The following BORCS5 variants were observed in gnomAD, a reference collection of about 807,000 sequenced individuals.
The protein encoded by BORCS5 is BLOC-1 related complex subunit 5, also known as BLOC-1-related complex subunit 5.
A neutral mutation model predicts 22.1 loss-of-function variants in BORCS5; 17 were observed. That is an observed-to-expected ratio of 0.77 (90% CI 0.53 to 1.15). The LOEUF (loss-of-function observed/expected upper bound fraction) is 1.15, where lower values mean the gene tolerates loss of function less well. Ranked by LOEUF, BORCS5 falls within the 50% of genes most tolerant of loss-of-function variation. BORCS5 has a pLI of 0.00. For synonymous variants in BORCS5, 117 were observed against 99.8 expected (o/e 1.17, Z -1.03); for missense variants, 247 against 253.2 (o/e 0.98, Z 0.17).
rs776625401 is a variant in BORCS5, at chr12:12,465,699, A to G, written c.514A>G (p.Arg172Gly). 7 of 1,614,268 alleles carry G rather than the reference A, an allele frequency of 4.3e-6. No homozygotes were observed. Among genetic ancestry groups the G allele is most frequent in the Non-Finnish European group, 5.9e-6 (7 of 1,180,052 alleles). Residue 172 changes from arginine to glycine, a missense_variant, in exon 4 of 4, where the codon AGG becomes GGG. By Grantham distance (125) the Arg-to-Gly change is moderately radical (BLOSUM62 -2). Coordinates refer to ENST00000314565, the MANE Select transcript of BORCS5 (RefSeq NM_058169.6). ...GIDQTVPLLD[R>G]LNSMLPEGER... ...CGACCAGACTGTGCCCCTGCTGGACAGGCTCAACAGCATGCTGCCCGAGGG... is the reference window on the plus strand; with the variant it reads ...CGACCAGACTGTGCCCCTGCTGGACGGGCTCAACAGCATGCTGCCCGAGGG...
rs145463583 is a variant in BORCS5 at position 12,401,829 on chromosome 12, C to T, written c.203-33799C>T. Among the ~76,000 whole-genome samples, 1,006 of 151,940 alleles carry T rather than the reference C, an allele frequency of 6.6e-3. 16 individuals are homozygous for T. Among genetic ancestry groups the T allele is most frequent in the African/African-American group, 0.024 (985 of 41,460 alleles). ...ATCCCAGCACTTTGGGAGGCCAAGG[C>T]GGGCGGATCACGAGGTCAGAAGATC... On this transcript the variant is annotated intron_variant, in intron 2 of 3. Coordinates refer to ENST00000314565, the MANE Select transcript of BORCS5 (RefSeq NM_058169.6).
At chr12:12,370,401 T>C (rs988299128) in intron 2 of BORCS5, among the ~76,000 whole-genome samples, 2 of 152,198 alleles carry the variant, frequency 1.3e-5, no homozygotes, top group African/African-American at 4.8e-5. Context: ...GTGTAATTAC[T>C]AAGTTTTTGA....
chr12:12,435,775 G>A lies in BORCS5; in HGVS notation c.350G>A (p.Arg117Gln), dbSNP rs748574042. ...TTTGACCAGAATGCTTTGGTTAAAC[G>A]AATCAAAGAGGTAATGTGCTGCGGG... ...VAFDQNALVK[R>Q]IKEMDLSVET... is the part of the protein sequence containing the mutation. Residue 117 changes from arginine (R) to glutamine (Q), a missense_variant, in exon 3 of 4, where the codon CGA (arginine) becomes CAA (glutamine). By Grantham distance (43) the Arg-to-Gln change is conservative (BLOSUM62 1). Coordinates refer to ENST00000314565, the MANE Select transcript of BORCS5 (RefSeq NM_058169.6). 8 of 1,611,508 alleles carry A rather than the reference G, an allele frequency of 5.0e-6. No homozygotes were observed. Among genetic ancestry groups the A allele is most frequent in the Admixed American group, 3.4e-5 (2 of 59,512 alleles).
chr12:12,358,609 C>T (rs909595915), intron 1 of BORCS5, among the ~76,000 whole-genome samples: 1 of 152,200 alleles, frequency 6.6e-6, no homozygotes, highest in Non-Finnish European at 1.5e-5. Context: ...AATTTGTTTT[C>T]TTGCCCATGA....
chr12:12,462,864 C>G (rs1943135834), intron 3 of BORCS5, among the ~76,000 whole-genome samples: 1 of 151,848 alleles, frequency 6.6e-6, no homozygotes, highest in African/African-American at 2.4e-5. Flanking sequence ...GCCGTGTTGC[C>G]CAGGCTGGTC....
intron 2 of BORCS5, among the ~76,000 whole-genome samples, chr12:12,390,274 AG>A (rs1274360607): frequency 2.6e-5 from 4 of 152,098 alleles, no homozygotes; most frequent in Admixed American, 1.3e-4. Flanking sequence ...ACATTCTAAT[AG>A]TTCATCCCAC....
Position 12,361,233 on chromosome 12 carries a change from C to G in BORCS5, c.86C>G (p.Ala29Gly). 12 of 1,614,100 alleles carry G rather than the reference C, an allele frequency of 7.4e-6. No homozygotes were observed. The highest frequency in any genetic ancestry group is 1.0e-5 in the Non-Finnish European group (12 of 1,180,010). The change falls in exon 2 of 4, where the codon GCC (alanine) becomes GGC (glycine). Residue 29 changes from alanine to glycine, a missense_variant. Physicochemically the swap from Ala to Gly is moderately conservative, Grantham distance 60 (BLOSUM62 0). Transcript: ENST00000314565. Reference protein sequence around the residue: ...SVTPSPAKHRAKMDDIVVVAQ... With the variant: ...SVTPSPAKHRGKMDDIVVVAQ... Reference sequence around the variant, plus strand: ...ACTCCTTCACCAGCCAAGCATAGAGCCAAGATGGATGATATTGTGGTTGTA... The same window carrying G: ...ACTCCTTCACCAGCCAAGCATAGAGGCAAGATGGATGATATTGTGGTTGTA...
At chr12:12,359,146 C>T (rs1220125426) in intron 1 of BORCS5, among the ~76,000 whole-genome samples, 1 of 152,146 alleles carries the variant, frequency 6.6e-6, no homozygotes, top group Non-Finnish European at 1.5e-5. Flanking sequence ...AAATGGATTA[C>T]TTTCTCCCAA....
intron 2 of BORCS5, among the ~76,000 whole-genome samples, chr12:12,373,981 C>CTTTTTTTTTTTTTT (rs926893487): frequency 1.1e-5 from 1 of 89,796 alleles, no homozygotes; most frequent in African/African-American, 5.0e-5. Flanking sequence ...AGAGAGTATT[C>CTTTTTTTTTTTTTT]TTTTTTTTTT....
chr12:12,379,862 G>A (rs759117833), intron 2 of BORCS5, among the ~76,000 whole-genome samples: 1 of 151,374 alleles, frequency 6.6e-6, no homozygotes, highest in Non-Finnish European at 1.5e-5. Context: ...GCAAACTGGT[G>A]CAAGAGGCCT....
At chr12:12,400,662 C>G (rs1941450597) in intron 2 of BORCS5, among the ~76,000 whole-genome samples, 1 of 151,476 alleles carries the variant, frequency 6.6e-6, no homozygotes, top group South Asian at 2.1e-4. Flanking sequence ...GCCATGTTTG[C>G]TTCAGATCTC....
intron 2 of BORCS5, among the ~76,000 whole-genome samples, chr12:12,398,035 C>T (rs760882651): frequency 6.6e-6 from 1 of 152,280 alleles, no homozygotes; most frequent in South Asian, 2.1e-4. Context: ...AATGCTTTGT[C>T]TTCCTGAAGC....
At chr12:12,410,237 C>T (rs901271215) in intron 2 of BORCS5, among the ~76,000 whole-genome samples, 1 of 152,134 alleles carries the variant, frequency 6.6e-6, no homozygotes, top group African/African-American at 2.4e-5. Context: ...TTAATTAGAT[C>T]CCATTTGTCA....
intron 2 of BORCS5, among the ~76,000 whole-genome samples, chr12:12,396,202 G>C (rs1941338698): frequency 6.6e-6 from 1 of 151,236 alleles, no homozygotes; most frequent in Admixed American, 6.6e-5. Flanking sequence ...GGCCAGGCTG[G>C]TTTCAAACTC....
chr12:12,466,507 G>A lies in BORCS5; in HGVS notation c.*731G>A, dbSNP rs1456616875. On this transcript the variant is annotated 3_prime_UTR_variant, in exon 4 of 4. Coordinates refer to ENST00000314565, the MANE Select transcript of BORCS5 (RefSeq NM_058169.6). The stretch of plus-strand genomic sequence containing the variant: ...CCACAGACATTTCTTGAACCCATTT[G>A]ATGTGTCCAATATTGTGCCAGGGAT... 1.3e-5 allele frequency: 2 copies of A among 152,174 alleles called. No individual in the cohort carries two copies. Among genetic ancestry groups the A allele is most frequent in the Non-Finnish European group, 2.9e-5 (2 of 68,052 alleles). 9.4% of individuals were successfully genotyped at this position (152,174 alleles called of 1,614,324 possible).
intron 3 of BORCS5, chr12:12,452,443 C>T (rs550934774): frequency 9.5e-6 from 5 of 526,638 alleles, no homozygotes; most frequent in African/African-American, 5.8e-5. Context: ...TGGAGAGCCG[C>T]GGTTTCCCAT....
chr12:12,448,377 G>A (rs773471856), intron 3 of BORCS5, among the ~76,000 whole-genome samples: 28 of 151,836 alleles, frequency 1.8e-4, no homozygotes, highest in Non-Finnish European at 3.4e-4. Context: ...CACCACACCC[G>A]GCTAATTTTT....
chr12:12,387,654 G>C (rs112233999), intron 2 of BORCS5, among the ~76,000 whole-genome samples: 10 of 151,536 alleles, frequency 6.6e-5, no homozygotes, highest in South Asian at 2.1e-4. Context: ...TTTTAATACA[G>C]CCCAAGTTTA....
intron 3 of BORCS5, among the ~76,000 whole-genome samples, chr12:12,443,956 C>G (rs1942734490): frequency 6.6e-6 from 1 of 152,180 alleles, no homozygotes; most frequent in South Asian, 2.1e-4. Context: ...AGTCTCTAAG[C>G]CAACTAGCCA....
Sources: gnomAD v4.1 joint callset for allele counts (sites outside exome capture counted in the v4.1 genomes callset) on GRCh38, gnomAD v4.1.1 for gene constraint, MANE v1.5 for transcripts, NCBI Gene and HGNC (gene_info 2026-07-23, HGNC 2026-07-21) for gene names.